The following FAM20C variants were observed in gnomAD, a reference collection of about 807,000 sequenced individuals.
The protein encoded by FAM20C is extracellular serine/threonine protein kinase FAM20C.
In FAM20C, 40 loss-of-function variants were observed where a neutral mutation model predicts 51.5. That is an observed-to-expected ratio of 0.78 (90% CI 0.60 to 1.01). FAM20C has a LOEUF of 1.01. Among genes scored for constraint, FAM20C ranks in the 50% least tolerant of loss-of-function variants. FAM20C has a pLI of 0.00. For missense variants in FAM20C, 861 were observed against 844.7 expected, an observed-to-expected ratio of 1.02 and a Z score of -0.24; for synonymous variants, 406 against 380.6, an observed-to-expected ratio of 1.07 and a Z score of -0.78.
intron 8 of FAM20C, among the ~76,000 whole-genome samples, chr7:258,250 CTGAGGTGCTGGAGATAGG>C (rs1788708324): frequency 7.2e-6 from 1 of 138,622 alleles, no homozygotes; most frequent in African/African-American, 3.0e-5. Flanking sequence ...GACCCACTGC[CTGAGGTGCTGGAGATAGG>C]CAGGGTGGAC....
At chr7:200,260 G>A (rs56015142) in intron 2 of FAM20C, among the ~76,000 whole-genome samples, 4,536 of 129,462 alleles carry the variant, frequency 0.035, 76 homozygotes, top group Middle Eastern at 0.11. Context: ...TGCAGGTCAC[G>A]GTCCCAGGGC....
At chr7:244,253 C>G (rs913822174) in intron 3 of FAM20C, among the ~76,000 whole-genome samples, 4 of 152,128 alleles carry the variant, frequency 2.6e-5, no homozygotes, top group African/African-American at 9.7e-5. Flanking sequence ...CTGGAGTTCC[C>G]TTTTTCCAGC....
intron 3 of FAM20C, among the ~76,000 whole-genome samples, chr7:235,582 C>T (rs1787823528): frequency 1.3e-5 from 2 of 152,368 alleles, no homozygotes; most frequent in South Asian, 4.1e-4. Flanking sequence ...GACCCCCTCC[C>T]TGAGCCCTGC....
intron 3 of FAM20C, chr7:228,315 G>C: frequency 2.6e-6 from 1 of 378,432 alleles, no homozygotes; most frequent in South Asian, 1.9e-5. Flanking sequence ...AAGAAGGCAG[G>C]TTCATTGGAA....
intron 3 of FAM20C, among the ~76,000 whole-genome samples, chr7:231,498 C>G (rs917793000): frequency 7.1e-5 from 10 of 140,878 alleles, no homozygotes; most frequent in Admixed American, 3.5e-4. Context: ...GTCCCGGCGT[C>G]GAGGGCCCCG....
At chr7:242,958 C>T (rs1237494489) in intron 3 of FAM20C, among the ~76,000 whole-genome samples, 3 of 151,934 alleles carry the variant, frequency 2.0e-5, no homozygotes, top group East Asian at 1.9e-4. Flanking sequence ...CTGTGCCACC[C>T]GGGATACCTG....
In FAM20C at chr7:259,985, C is replaced by T. The variant is rs781648911; in HGVS notation, c.*5C>T. 38 of 1,505,504 alleles carry T rather than the reference C, an allele frequency of 2.5e-5. No individual in the cohort carries two copies. Among genetic ancestry groups the T allele is most frequent in the Middle Eastern group, 1.8e-4 (1 of 5,492 alleles). The allele number at this position is 1,505,504 out of a possible 1,614,324, so 93.3% of individuals were successfully genotyped here. A position where few individuals can be genotyped will look rare whatever the true frequency, so the allele number is the denominator to read the frequency against. On this transcript the variant is annotated 3_prime_UTR_variant, in exon 10 of 10. Coordinates refer to ENST00000313766, the MANE Select transcript of FAM20C (RefSeq NM_020223.4). ...AGAGCCGCCTCGGCGAGGTAGTGTC[C>T]GCCGGCCGCTGCGCTGCCCGGGACG...
intron 3 of FAM20C, among the ~76,000 whole-genome samples, chr7:222,508 TGA>T (rs1431442017): frequency 6.6e-6 from 1 of 152,056 alleles, no homozygotes; most frequent in Non-Finnish European, 1.5e-5. Context: ...GGGCTGGCAC[TGA>T]GAGGGGAGTG....
Position 225,896 on chromosome 7 carries a change from T to G in FAM20C, c.863+16920T>G, listed in dbSNP as rs55935516. 1.3e-4 allele frequency among the ~76,000 whole-genome samples: 3 copies of G among 22,954 alleles called. 1 individual carries two copies. The highest frequency in any genetic ancestry group is 1.9e-4 in the African/African-American group (1 of 5,386). 15.1% of individuals were successfully genotyped at this position (22,954 alleles called of 152,430 possible). A position where few individuals can be genotyped will look rare whatever the true frequency, so the allele number is the denominator to read the frequency against. ...GGCTGTCCCCTGAGTCTTCTCTCAC[T>G]GAGCAGAATGGCACCGTCACGGGGT... On this transcript the variant is annotated intron_variant, in intron 3 of 9. Coordinates refer to ENST00000313766, the MANE Select transcript of FAM20C (RefSeq NM_020223.4).
At chr7:241,069 G>C (rs1466232863) in intron 3 of FAM20C, among the ~76,000 whole-genome samples, 1 of 112,050 alleles carries the variant, frequency 8.9e-6, no homozygotes, top group African/African-American at 4.3e-5. Flanking sequence ...TTACGGGCTG[G>C]GGTGAGCTTC....
chr7:251,179 T>C (rs1429238231), intron 5 of FAM20C, among the ~76,000 whole-genome samples: 2 of 150,336 alleles, frequency 1.3e-5, no homozygotes, highest in African/African-American at 4.9e-5. Flanking sequence ...ACGCCTGCAC[T>C]GAGTGGCCGG....
chr7:204,668 G>A (rs1439379963), intron 2 of FAM20C, among the ~76,000 whole-genome samples: 3 of 152,232 alleles, frequency 2.0e-5, no homozygotes, highest in African/African-American at 4.8e-5. Context: ...GGCCTTTGCC[G>A]TGGTGAGCGC....
chr7:193,733 G>A lies in FAM20C; in HGVS notation c.534G>A (p.Thr178=), dbSNP rs980553723. ...ACCGGGTGGCGGTTCCGCCGCTCACGGAGGAGGACGTCCTGTTCAATGTGA... is the reference window on the plus strand; with the variant it reads ...ACCGGGTGGCGGTTCCGCCGCTCACAGAGGAGGACGTCCTGTTCAATGTGA... ...PLYRVAVPPL[T]EEDVLFNVNS... Residue 178 remains threonine, a synonymous_variant, in exon 1 of 10, where the codon ACG becomes ACA. Transcript: ENST00000313766. 6.5e-7 allele frequency: 1 copy of A among 1,547,214 alleles called. No homozygotes were observed. The highest frequency in any genetic ancestry group is 8.7e-7 in the Non-Finnish European group (1 of 1,145,302).
At chr7:243,820 G>GCGGCTTTA (rs1788032175) in intron 3 of FAM20C, among the ~76,000 whole-genome samples, 4 of 152,172 alleles carry the variant, frequency 2.6e-5, no homozygotes, top group Admixed American at 2.0e-4. Context: ...CAGTTTCCTA[G>GCGGCTTTA]CGGCTTTATC....
chr7:195,248 G>A (rs1212759531), intron 1 of FAM20C: 10 of 307,550 alleles, frequency 3.3e-5, no homozygotes, highest in Middle Eastern at 8.3e-4. Context: ...TGGGACAGAC[G>A]TGGCGGGGAT....
At chr7:244,485 G>A (rs1052256862) in intron 3 of FAM20C, among the ~76,000 whole-genome samples, 1 of 152,206 alleles carries the variant, frequency 6.6e-6, no homozygotes, top group Non-Finnish European at 1.5e-5. Flanking sequence ...TTAAAACCCG[G>A]GAGATTCCAC....
chr7:254,665 T>C (rs1477987415), intron 5 of FAM20C, among the ~76,000 whole-genome samples: 1 of 152,196 alleles, frequency 6.6e-6, no homozygotes, highest in African/African-American at 2.4e-5. Context: ...TTTTAGTATA[T>C]CCACAATGGT....
intron 3 of FAM20C, among the ~76,000 whole-genome samples, chr7:236,035 T>C (rs1370629413): frequency 2.0e-5 from 3 of 152,134 alleles, no homozygotes; most frequent in Admixed American, 1.3e-4. Context: ...TCACCTGGCA[T>C]ACCTTCTGTC....
chr7:205,052 A>C (rs1004139637), intron 2 of FAM20C, among the ~76,000 whole-genome samples: 4 of 152,242 alleles, frequency 2.6e-5, no homozygotes, highest in Non-Finnish European at 5.9e-5. Context: ...CCCATTCTGC[A>C]GGAGCAGCCG....
Sources: gnomAD v4.1 joint callset for allele counts (sites outside exome capture counted in the v4.1 genomes callset) on GRCh38, gnomAD v4.1.1 for gene constraint, MANE v1.5 for transcripts, NCBI Gene and HGNC (gene_info 2026-07-23, HGNC 2026-07-21) for gene names.